The following NCOA5 variants were observed in gnomAD, a reference collection of about 807,000 sequenced individuals.
NCOA5 encodes the protein nuclear receptor coactivator 5, also known as NCoA-5.
Under a neutral mutation model 59.0 loss-of-function variants are expected in NCOA5, and 12 were observed. That is an observed-to-expected ratio of 0.20 (90% CI 0.13 to 0.33). The LOEUF (loss-of-function observed/expected upper bound fraction) is 0.33, where lower values mean the gene tolerates loss of function less well. NCOA5 is among the 10% of genes least tolerant of loss of function. The pLI is 1.00. For synonymous variants in NCOA5, 270 were observed against 275.5 expected (o/e 0.98, Z 0.20); for missense variants, 655 against 766.6 (o/e 0.85, Z 1.72).
intron 1 of NCOA5, among the ~76,000 whole-genome samples, chr20:46,084,478 G>A (rs2085026169): frequency 6.6e-6 from 1 of 152,188 alleles, no homozygotes; most frequent in Non-Finnish European, 1.5e-5. Context: ...CTTATTCAAT[G>A]ACGACTTCAG....
chr20:46,070,399 T>A lies in NCOA5; in HGVS notation c.176A>T (p.Asp59Val). The change falls in exon 3 of 8, where the codon GAC becomes GTC. Residue 59 changes from aspartate to valine, a missense_variant. This residue lies in a region of NCOA5 where 250 missense variants were observed against 260.1 expected (regional missense o/e 0.96). Transcript: ENST00000290231. ...RDSRDIRDPR[D>V]LRDHRHSRDL... ...TCTACTATGTCTGTGGTCCCGCAAG[T>A]CTCGGGGGTCTCGAATGTCTCTGCT... 3 of 1,614,012 alleles carry A rather than the reference T, an allele frequency of 1.9e-6. No individual in the cohort carries two copies. The highest frequency in any genetic ancestry group is 2.5e-6 in the Non-Finnish European group (3 of 1,180,000).
In NCOA5 at chr20:46,062,767, G is replaced by T. The variant is rs1188589979; in HGVS notation, c.1273C>A (p.Pro425Thr). 4.4e-6 allele frequency: 7 copies of T among 1,605,272 alleles called. No individual in the cohort carries two copies. In the Admixed American group the frequency reaches 1.2e-4, roughly 27 times the overall value. ...PSATPTPSAPPTSQQELQAKI... is the reference protein window; with the variant it reads ...PSATPTPSAPTTSQQELQAKI... ...GCCTGAAGCTCTTGCTGGGAGGTGG[G>T]GGGTGCAGATGGAGTGGGTGTAGCA... The change falls in exon 8 of 8, where the codon CCC (proline) becomes ACC (threonine). Residue 425 changes from proline (P) to threonine (T), a missense_variant. Pro to Thr is a conservative substitution (Grantham distance 38). Around this residue, in one of 3 missense-constraint regions of NCOA5, gnomAD observed 325 missense variants for 353.2 expected, o/e 0.92. Coordinates refer to ENST00000290231, the MANE Select transcript of NCOA5 (RefSeq NM_020967.3).
chr20:46,070,662 A>G, intron 2 of NCOA5, 126 bp from the exon 3 acceptor site: 1 of 804,846 alleles, frequency 1.2e-6, no homozygotes. Context: ...CAAACAGAAC[A>G]TGACTCAACA....
chr20:46,082,325 C>T (rs2085000410), intron 1 of NCOA5, among the ~76,000 whole-genome samples: 3 of 151,842 alleles, frequency 2.0e-5, no homozygotes, highest in South Asian at 4.2e-4. Context: ...ATAATCAACA[C>T]CAAGCAAATA....
At chr20:46,085,561 G>C (rs191643097) in intron 1 of NCOA5, among the ~76,000 whole-genome samples, 1 of 152,266 alleles carries the variant, frequency 6.6e-6, no homozygotes, top group South Asian at 2.1e-4. Context: ...ACTGGGTCCT[G>C]AGGAATGAGT....
chr20:46,080,682 T>C (rs1215462996), intron 1 of NCOA5, among the ~76,000 whole-genome samples: 1 of 152,170 alleles, frequency 6.6e-6, no homozygotes, highest in East Asian at 1.9e-4. Flanking sequence ...CAGAAGTCTC[T>C]AATTTGTCTA....
intron 1 of NCOA5, among the ~76,000 whole-genome samples, chr20:46,087,109 C>T (rs1287233532): frequency 6.6e-6 from 1 of 152,172 alleles, no homozygotes; most frequent in Non-Finnish European, 1.5e-5. Flanking sequence ...CATAAGATGA[C>T]GGGCAGGAGC....
intron 1 of NCOA5, among the ~76,000 whole-genome samples, chr20:46,088,559 T>A (rs2085066678): frequency 6.6e-6 from 1 of 152,128 alleles, no homozygotes; most frequent in Non-Finnish European, 1.5e-5. Context: ...CCAGCATTTG[T>A]AGAAACATCT....
intron 1 of NCOA5, among the ~76,000 whole-genome samples, chr20:46,082,368 G>T (rs1056575818): frequency 2.6e-5 from 4 of 152,136 alleles, no homozygotes; most frequent in Non-Finnish European, 5.9e-5. Context: ...GGGAAAAAAA[G>T]GTAGAAAGAC....
chr20:46,063,826 G>T, intron 6 of NCOA5, 146 bp from the exon 7 acceptor site: 1 of 831,546 alleles, frequency 1.2e-6, no homozygotes, highest in South Asian at 1.8e-5. Flanking sequence ...GTGGGGTGGT[G>T]TGGGGGGAGA....
intron 2 of NCOA5, among the ~76,000 whole-genome samples, chr20:46,074,994 T>C (rs2084921851): frequency 2.0e-5 from 3 of 152,242 alleles, no homozygotes; most frequent in Non-Finnish European, 2.9e-5. Context: ...TGAAAAATCC[T>C]TCATTAGCTC....
Position 46,065,074 on chromosome 20 carries a change from T to C in NCOA5, c.784A>G (p.Ile262Val), listed in dbSNP as rs763886248. 39 of 1,614,068 alleles carry C rather than the reference T, an allele frequency of 2.4e-5. No homozygotes were observed. Among genetic ancestry groups the C allele is most frequent in the Non-Finnish European group, 9.3e-6 (11 of 1,180,048 alleles). The change falls in exon 6 of 8, where the codon ATT becomes GTT. Residue 262 changes from isoleucine to valine, a missense_variant. Transcript: ENST00000290231. ...FAIVITQQHQ[I>V]HRSCTVNIMF... ...ATGTTGACTGTGCAGGAGCGGTGAA[T>C]CTGGTGTTGCTGGGTGATGACAATA...
In NCOA5 at chr20:46,062,002, G is replaced by A; in HGVS notation, c.*298C>T. 1 of 235,074 alleles carries A rather than the reference G, an allele frequency of 4.3e-6. No homozygotes were observed. Among genetic ancestry groups the A allele is most frequent in the Non-Finnish European group, 8.3e-6 (1 of 120,228 alleles). 14.6% of individuals were successfully genotyped at this position (235,074 alleles called of 1,614,324 possible). A position where few individuals can be genotyped will look rare whatever the true frequency, so the allele number is the denominator to read the frequency against. ...GCTGGGCCTGGCTCCAAATCCAGTAGAAACAGGGACCGGAGAAACCCCATC... is the reference window on the plus strand; with the variant it reads ...GCTGGGCCTGGCTCCAAATCCAGTAAAAACAGGGACCGGAGAAACCCCATC... On this transcript the variant is annotated 3_prime_UTR_variant, in exon 8 of 8. Transcript: ENST00000290231.
chr20:46,074,612 G>A (rs962681499), intron 2 of NCOA5, among the ~76,000 whole-genome samples: 1 of 152,176 alleles, frequency 6.6e-6, no homozygotes, highest in Non-Finnish European at 1.5e-5. Flanking sequence ...ACACTGCTGG[G>A]AAACATTTGA....
intron 1 of NCOA5, among the ~76,000 whole-genome samples, chr20:46,079,719 C>G (rs1057277824): frequency 6.6e-6 from 1 of 152,170 alleles, no homozygotes; most frequent in African/African-American, 2.4e-5. Flanking sequence ...TGCTTTAACA[C>G]GCTGCCAAGA....
intron 2 of NCOA5, among the ~76,000 whole-genome samples, chr20:46,078,083 C>A (rs1432978170): frequency 6.6e-6 from 1 of 152,232 alleles, no homozygotes; most frequent in Non-Finnish European, 1.5e-5. Context: ...GGAATCCACA[C>A]GACAGCTGTG....
rs150820884 is a variant in NCOA5 at position 46,069,858 on chromosome 20, A to C, written c.365+352T>G. On this transcript the variant is annotated intron_variant, in intron 3 of 7. Coordinates refer to ENST00000290231, the MANE Select transcript of NCOA5 (RefSeq NM_020967.3). ...TGAGTCCCTCTTTTCAATTGTTTTG[A>C]GTGTATACTCAGGAGCGGAACTGAT... Among the ~76,000 whole-genome samples the C allele has an allele frequency of 1.5e-3, 222 of 152,206 alleles. 1 individual carries two copies. Among genetic ancestry groups the C allele is most frequent in the African/African-American group, 5.0e-3 (208 of 41,506 alleles).
rs2084793347 is a variant in NCOA5 at position 46,063,793 on chromosome 20, G to A, written c.830-113C>T. ...ATACCAGCAAGAAAATCATTTTGGT[G>A]ACAAAAAGCCTTGAGATTGAGAGTG... is the stretch of plus-strand genomic sequence containing the variant. On this transcript the variant is annotated intron_variant, in intron 6 of 7. Coordinates refer to ENST00000290231, the MANE Select transcript of NCOA5 (RefSeq NM_020967.3). The A allele has an allele frequency of 5.4e-6, 6 of 1,120,842 alleles. No homozygotes were observed. In the South Asian group the frequency reaches 8.0e-5, roughly 15 times the overall value. The allele number at this position is 1,120,842 out of a possible 1,614,324, so 69.4% of individuals were successfully genotyped here.
At position 46,070,303 on chromosome 20, in the gene NCOA5, C is replaced by T. The variant is rs372623638; in HGVS notation, c.272G>A (p.Arg91His). Residue 91 changes from arginine to histidine, a missense_variant, in exon 3 of 8, where the codon CGT (arginine) becomes CAT (histidine). By Grantham distance (29) the Arg-to-His change is conservative. This residue lies in a region of NCOA5 where 250 missense variants were observed against 260.1 expected (regional missense o/e 0.96). Transcript: ENST00000290231. ...AAAATCCCTAGAGTCTCTTAGATCA[C>T]GAAAGTCTCTAAGATCCCTCACGTC... is the stretch of plus-strand genomic sequence containing the variant. ...VRDVRDLRDF[R>H]DLRDSRDFRD... The T allele has an allele frequency of 2.2e-5, 35 of 1,613,722 alleles. No individual in the cohort carries two copies. Among genetic ancestry groups the T allele is most frequent in the East Asian group, 2.0e-4 (9 of 44,860 alleles).
Sources: gnomAD v4.1 joint callset for allele counts (sites outside exome capture counted in the v4.1 genomes callset) on GRCh38, gnomAD v4.1.1 for gene constraint, gnomAD v4.1.1 regional missense constraint, MANE v1.5 for transcripts, NCBI Gene and HGNC (gene_info 2026-07-23, HGNC 2026-07-21) for gene names.